The following BSPRY variants were observed in gnomAD, a reference collection of about 807,000 sequenced individuals.
The protein encoded by BSPRY is B-box and SPRY domain containing, also known as B box and SPRY domain-containing protein.
In BSPRY, 33 loss-of-function variants were observed where a neutral mutation model predicts 38.0. The ratio of observed to expected loss-of-function variants is 0.87; its 90% confidence interval spans 0.66 to 1.16. BSPRY has a LOEUF of 1.16. Among genes scored for constraint, BSPRY ranks in the 50% most tolerant of loss-of-function variants. The pLI is 0.00. For missense variants in BSPRY, 523 were observed against 533.2 expected (o/e 0.98, Z 0.19); for synonymous variants, 224 against 228.5 (o/e 0.98, Z 0.18).
chr9:113,366,160 C>T lies in BSPRY; in HGVS notation c.558-2099C>T, dbSNP rs182586066. On this transcript the variant is annotated intron_variant, in intron 4 of 5. Coordinates refer to ENST00000374183, the MANE Select transcript of BSPRY (RefSeq NM_017688.3). ...CCTCAAGGTTTTTCCTTTGCCCTCT[C>T]CCTTTCTACATTTGTACCTTTTGTT... Among the ~76,000 whole-genome samples, 461 of 152,274 alleles carry T rather than the reference C, an allele frequency of 3.0e-3. 1 individual carries two copies. Among genetic ancestry groups the T allele is most frequent in the African/African-American group, 0.01 (433 of 41,542 alleles).
In BSPRY at chr9:113,360,367, A is replaced by G. The variant is rs1361875422; in HGVS notation, c.301-140A>G. On this transcript the variant is annotated intron_variant, in intron 2 of 5. Coordinates refer to ENST00000374183, the MANE Select transcript of BSPRY (RefSeq NM_017688.3). ...AGAGATGTCAAAGTAAAAGGCTTAC[A>G]TGCTATTATTTCCATTACTAAGCCC... The G allele has an allele frequency of 6.4e-6, 5 of 781,312 alleles. 1 individual carries two copies. The highest frequency in any genetic ancestry group is 2.6e-5 in the Admixed American group (1 of 38,624). 48.4% of individuals were successfully genotyped at this position (781,312 alleles called of 1,614,324 possible).
At position 113,369,616 on chromosome 9, in the gene BSPRY, G is replaced by A. The variant is rs747006757; in HGVS notation, c.683G>A (p.Gly228Asp). The change falls in exon 6 of 6, where the codon GGC becomes GAC. Residue 228 changes from glycine (G) to aspartate (D), a missense_variant and splice_region_variant. Gly to Asp is a moderately conservative substitution (Grantham distance 94). Coordinates refer to ENST00000374183, the MANE Select transcript of BSPRY (RefSeq NM_017688.3). ...CAACTCTGAGAATTCTTTCTGGCAG[G>A]CACAGAGGACATACGGATCGATGAG... ...WATAVLGSLS[G>D]TEDIRIDERT... The A allele has an allele frequency of 1.2e-6, 2 of 1,603,670 alleles. No homozygotes were observed. The highest frequency in any genetic ancestry group is 1.7e-6 in the Non-Finnish European group (2 of 1,173,578).
intron 2 of BSPRY, among the ~76,000 whole-genome samples, chr9:113,359,240 T>C (rs4978539): frequency 0.45 from 68,316 of 152,042 alleles, 15,630 homozygotes; most frequent in African/African-American, 0.52. Context: ...GAATATGTTC[T>C]AAGTTCCACA....
Position 113,370,151 on chromosome 9 carries a change from C to T in BSPRY, c.*9C>T. ...TTTCTATCGTCCGCTGACCTCTGGC[C>T]ACAGGAAGCCAGGTCCACCGCCCAC... On this transcript the variant is annotated 3_prime_UTR_variant, in exon 6 of 6. Coordinates refer to ENST00000374183, the MANE Select transcript of BSPRY (RefSeq NM_017688.3). The surrounding 1 kb of genome is among the most constrained non-coding windows in gnomAD (Gnocchi z 4.8). The T allele has an allele frequency of 6.5e-7, 1 of 1,535,636 alleles. No homozygotes were observed. The highest frequency in any genetic ancestry group is 8.8e-7 in the Non-Finnish European group (1 of 1,142,282).
At position 113,370,237 on chromosome 9, in the gene BSPRY, C is replaced by T. The variant is rs993283504; in HGVS notation, c.*95C>T. 4.9e-6 allele frequency: 7 copies of T among 1,421,862 alleles called. No homozygotes were observed. In the African/African-American group the frequency reaches 1.0e-4, roughly 20 times the overall value. 88.1% of individuals were successfully genotyped at this position (1,421,862 alleles called of 1,614,324 possible). On this transcript the variant is annotated 3_prime_UTR_variant, in exon 6 of 6. Transcript: ENST00000374183. This position sits in a 1 kb window ranked among gnomAD's most constrained non-coding sequence, Gnocchi z 4.8. ...TTCCCAAATGATGTGTGTGGTGTTT[C>T]TAAGAGAAACAGGGCCCATAACCAG... is the stretch of plus-strand genomic sequence containing the variant.
At position 113,352,480 on chromosome 9, in the gene BSPRY, G is replaced by GACACACACACACACACAC. The variant is rs139828518; in HGVS notation, c.202-1754_202-1737dup. Among the ~76,000 whole-genome samples the GACACACACACACACACAC allele has an allele frequency of 8.4e-3, 1,254 of 149,870 alleles. 5 individuals are homozygous for GACACACACACACACACAC. The highest frequency in any genetic ancestry group is 0.012 in the Non-Finnish European group (789 of 67,512). ...ACATCTGAATGCAGTTGGGGAGTGA[G>GACACACACACACACACAC]ACACACACACACACACACACACAGA... is the stretch of plus-strand genomic sequence containing the variant. On this transcript the variant is annotated intron_variant, in intron 1 of 5. Transcript: ENST00000374183.
intron 1 of BSPRY, among the ~76,000 whole-genome samples, chr9:113,353,126 C>T (rs1393625789): frequency 6.6e-6 from 1 of 152,180 alleles, no homozygotes; most frequent in Non-Finnish European, 1.5e-5. Context: ...TGGCTCACAC[C>T]TGTAACATCC....
chr9:113,355,167 A>AT (rs1834037710), intron 2 of BSPRY, among the ~76,000 whole-genome samples: 1 of 152,148 alleles, frequency 6.6e-6, no homozygotes, highest in Middle Eastern at 3.4e-3. Flanking sequence ...TCCACTGCAG[A>AT]TTTTTTTATT....
chr9:113,362,450 C>T, intron 4 of BSPRY, 56 bp downstream of exon 4: 1 of 1,554,624 alleles, frequency 6.4e-7, no homozygotes, highest in Non-Finnish European at 8.9e-7. Flanking sequence ...TAGACCTCTT[C>T]ACACTCCACT....
intron 4 of BSPRY, among the ~76,000 whole-genome samples, chr9:113,366,830 C>T (rs780765494): frequency 6.6e-6 from 1 of 152,218 alleles, no homozygotes; most frequent in Non-Finnish European, 1.5e-5. Context: ...CCTCCCAAGA[C>T]AGAACAGTGA....
rs1465076953 is a variant in BSPRY, at chr9:113,369,738, T to C, written c.805T>C (p.Phe269Leu). 1 of 1,614,210 alleles carries C rather than the reference T, an allele frequency of 6.2e-7. No homozygotes were observed. Among genetic ancestry groups the C allele is most frequent in the Non-Finnish European group, 8.5e-7 (1 of 1,180,032 alleles). The change falls in exon 6 of 6, where the codon TTC becomes CTC. Residue 269 changes from phenylalanine to leucine, a missense_variant. Phe to Leu is a conservative substitution (Grantham distance 22, BLOSUM62 0). Transcript: ENST00000374183. ...GGCCTGTGCAGATGGCCCGGAGCGC[T>C]TCGACCACTGGCCCAATGCCCTGGC... ...SKACADGPER[F>L]DHWPNALAAT...
chr9:113,360,934 A>G (rs1834143131), intron 3 of BSPRY, among the ~76,000 whole-genome samples, 197 bp downstream of exon 3: 1 of 152,194 alleles, frequency 6.6e-6, no homozygotes, highest in African/African-American at 2.4e-5. Flanking sequence ...ACTTCATTAT[A>G]AAATCCAGTT....
chr9:113,349,896 G>A, intron 1 of BSPRY, 116 bp downstream of exon 1: 1 of 1,173,100 alleles, frequency 8.5e-7, no homozygotes, highest in Non-Finnish European at 1.1e-6. Flanking sequence ...CGGCCCCGGA[G>A]CCTAGGCTCC....
Position 113,349,902 on chromosome 9 carries a change from G to T in BSPRY, c.201+122G>T, listed in dbSNP as rs1833944442. ...CTCGACACCCGGCCCCGGAGCCTAG[G>T]CTCCTCGGTGGCTTTGGCTGTAGGA... On this transcript the variant is annotated intron_variant, in intron 1 of 5. Transcript: ENST00000374183. 4 of 1,165,508 alleles carry T rather than the reference G, an allele frequency of 3.4e-6. No homozygotes were observed. In the East Asian group the frequency reaches 1.4e-4, roughly 42 times the overall value. 72.2% of individuals were successfully genotyped at this position (1,165,508 alleles called of 1,614,324 possible). A position where few individuals can be genotyped will look rare whatever the true frequency, so the allele number is the denominator to read the frequency against.
intron 1 of BSPRY, among the ~76,000 whole-genome samples, chr9:113,353,261 G>A (rs1217586551): frequency 6.6e-6 from 1 of 152,152 alleles, no homozygotes; most frequent in Non-Finnish European, 1.5e-5. Flanking sequence ...GGTGGCACGT[G>A]CCTGTAGTTC....
At chr9:113,362,619 T>A (rs560682364) in intron 4 of BSPRY, among the ~76,000 whole-genome samples, 1 of 152,334 alleles carries the variant, frequency 6.6e-6, no homozygotes, top group East Asian at 1.9e-4. Context: ...ATCCAAGGCT[T>A]GCCACTGCTT....
Position 113,369,704 on chromosome 9 carries a change from G to A in BSPRY, c.771G>A (p.Lys257=). 6.2e-7 allele frequency: 1 copy of A among 1,614,238 alleles called. No homozygotes were observed. The highest frequency in any genetic ancestry group is 8.5e-7 in the Non-Finnish European group (1 of 1,180,042). ...DDRKTLTFST[K]KSKACADGPE... The stretch of plus-strand genomic sequence containing the variant: ...GAAAGACCCTGACCTTCAGCACCAA[G>A]AAGTCAAAGGCCTGTGCAGATGGCC... Residue 257 remains lysine (K), a synonymous_variant, in exon 6 of 6, where the codon AAG becomes AAA. Coordinates refer to ENST00000374183, the MANE Select transcript of BSPRY (RefSeq NM_017688.3).
intron 2 of BSPRY, among the ~76,000 whole-genome samples, chr9:113,360,058 A>T (rs1834123087): frequency 6.6e-6 from 1 of 152,194 alleles, no homozygotes; most frequent in South Asian, 2.1e-4. Flanking sequence ...TTAGGAAGTC[A>T]TCAGTTTTTT....
intron 1 of BSPRY, among the ~76,000 whole-genome samples, 183 bp downstream of exon 1, chr9:113,349,963 T>C (rs998445913): frequency 1.3e-5 from 2 of 152,220 alleles, no homozygotes; most frequent in Non-Finnish European, 2.9e-5. Flanking sequence ...GAAGTCAGGC[T>C]GGCCTGAGTT....
Sources: gnomAD v4.1 joint callset for allele counts (sites outside exome capture counted in the v4.1 genomes callset) on GRCh38, gnomAD v4.1.1 for gene constraint, Gnocchi (gnomAD v3.1) non-coding constraint, MANE v1.5 for transcripts, NCBI Gene and HGNC (gene_info 2026-07-23, HGNC 2026-07-21) for gene names.